Variants in MYO1D observed in about 807,000 individuals in gnomAD.
MYO1D encodes the protein myosin ID, also known as unconventional myosin-Id.
Under a neutral mutation model 122.0 loss-of-function variants are expected in MYO1D, and 83 were observed. The ratio of observed to expected loss-of-function variants is 0.68; its 90% confidence interval spans 0.57 to 0.82. The LOEUF (loss-of-function observed/expected upper bound fraction) is 0.82. Ranked by LOEUF, MYO1D falls within the 40% of genes least tolerant of loss-of-function variation. MYO1D has a pLI of 0.00. For synonymous variants in MYO1D, 464 were observed against 446.9 expected, an observed-to-expected ratio of 1.04 and a Z score of -0.48; for missense variants, 1,157 against 1,269.5, an observed-to-expected ratio of 0.91 and a Z score of 1.35.
chr17:32,782,373 C>T (rs1379786860), intron 1 of MYO1D, among the ~76,000 whole-genome samples: 1 of 152,182 alleles, frequency 6.6e-6, no homozygotes, highest in Admixed American at 6.5e-5. Flanking sequence ...GGTTTGAATG[C>T]TCACATTGCA....
At chr17:32,818,384 G>C (rs1327202945) in intron 1 of MYO1D, among the ~76,000 whole-genome samples, 1 of 152,130 alleles carries the variant, frequency 6.6e-6, no homozygotes, top group East Asian at 1.9e-4. Context: ...AGGAGGGTTG[G>C]CTAAGTATCC....
intron 1 of MYO1D, among the ~76,000 whole-genome samples, chr17:32,851,977 G>A (rs1460460674): frequency 6.6e-6 from 1 of 152,116 alleles, no homozygotes. Flanking sequence ...TTTCCTTCTA[G>A]AAATTCTCTC....
chr17:32,797,422 T>C (rs956746600), intron 1 of MYO1D, among the ~76,000 whole-genome samples: 1 of 152,258 alleles, frequency 6.6e-6, no homozygotes, highest in Non-Finnish European at 1.5e-5. Context: ...GGAGGCACAG[T>C]AGTCCCCCTT....
At chr17:32,790,229 T>C (rs1318704778) in intron 1 of MYO1D, among the ~76,000 whole-genome samples, 1 of 152,208 alleles carries the variant, frequency 6.6e-6, no homozygotes, top group Non-Finnish European at 1.5e-5. Context: ...AATCTTATCT[T>C]ACTCTGCATT....
chr17:32,755,640 A>G lies in MYO1D; in HGVS notation c.1319T>C (p.Ile440Thr). The change falls in exon 11 of 22, where the codon ATC becomes ACC. Residue 440 changes from isoleucine to threonine, a missense_variant. By Grantham distance (89) the Ile-to-Thr change is moderately conservative. Coordinates refer to ENST00000318217, the MANE Select transcript of MYO1D (RefSeq NM_015194.3). Reference protein sequence around the residue: ...WKHIDYFNNQIIVDLVEQQHK... With the variant: ...WKHIDYFNNQTIVDLVEQQHK... ...CTGTTGCTCCACGAGGTCAACAATG[A>G]TCTGATTGTTGAAGTAGTCAATCTG... is the stretch of plus-strand genomic sequence containing the variant. 1.2e-6 allele frequency: 2 copies of G among 1,613,588 alleles called. No individual in the cohort carries two copies. The highest frequency in any genetic ancestry group is 1.7e-6 in the Non-Finnish European group (2 of 1,179,672).
intron 21 of MYO1D, chr17:32,504,965 T>G (rs1354256873): frequency 6.6e-6 from 1 of 152,550 alleles, no homozygotes; most frequent in Non-Finnish European, 1.5e-5. Context: ...TGAGTTCTAC[T>G]GATTGCACTT....
At chr17:32,720,207 AATTATC>A (rs1244285932) in intron 15 of MYO1D, among the ~76,000 whole-genome samples, 7 of 152,300 alleles carry the variant, frequency 4.6e-5, no homozygotes, top group Non-Finnish European at 8.8e-5. Flanking sequence ...CCAAGTTATC[AATTATC>A]ATTATCATTT....
At chr17:32,683,411 G>A (rs967948845) in intron 16 of MYO1D, among the ~76,000 whole-genome samples, 4 of 152,182 alleles carry the variant, frequency 2.6e-5, no homozygotes, top group African/African-American at 7.2e-5. Flanking sequence ...TGATGGTGAT[G>A]TACAGATGGG....
intron 2 of MYO1D, among the ~76,000 whole-genome samples, chr17:32,778,878 C>G (rs111592364): frequency 6.6e-6 from 1 of 152,048 alleles, no homozygotes; most frequent in African/African-American, 2.4e-5. Flanking sequence ...AGTTTTAGTA[C>G]TTGGTAGGGA....
At chr17:32,634,755 G>A (rs2088074295) in intron 20 of MYO1D, among the ~76,000 whole-genome samples, 1 of 152,200 alleles carries the variant, frequency 6.6e-6, no homozygotes, top group Non-Finnish European at 1.5e-5. Flanking sequence ...CTGGGATGCT[G>A]GCAATTGGAG....
chr17:32,636,921 T>C (rs2088108268), intron 20 of MYO1D, among the ~76,000 whole-genome samples: 2 of 152,242 alleles, frequency 1.3e-5, no homozygotes, highest in Non-Finnish European at 2.9e-5. Flanking sequence ...CGAGACGGTA[T>C]GGGCAGGGTG....
At chr17:32,776,122 A>T in intron 3 of MYO1D, 93 bp from the exon 4 acceptor site, 4 of 1,110,266 alleles carry the variant, frequency 3.6e-6, no homozygotes, top group Non-Finnish European at 5.2e-6. Flanking sequence ...ACAAATATTT[A>T]TACAAAGATG....
At chr17:32,686,239 T>A (rs2089004564) in intron 16 of MYO1D, 1 of 152,206 alleles carries the variant, frequency 6.6e-6, no homozygotes, top group Non-Finnish European at 1.5e-5. Flanking sequence ...ATCATATATA[T>A]CCTTGTAAAA....
In MYO1D at chr17:32,761,944, T is replaced by C. The variant is rs904351256; in HGVS notation, c.1036-1317A>G. 1.1e-4 allele frequency among the ~76,000 whole-genome samples: 16 copies of C among 152,226 alleles called. 1 individual carries two copies. The highest frequency in any genetic ancestry group is 3.6e-4 in the African/African-American group (15 of 41,522). ...TAGGCAAACACAAACATAGTCTCAA[T>C]GTCCAAGAAACTTAGGGAATAGAGT... On this transcript the variant is annotated intron_variant, in intron 8 of 21. Coordinates refer to ENST00000318217, the MANE Select transcript of MYO1D (RefSeq NM_015194.3).
At chr17:32,863,573 A>C (rs907695283) in intron 1 of MYO1D, among the ~76,000 whole-genome samples, 24 of 152,268 alleles carry the variant, frequency 1.6e-4, no homozygotes, top group African/African-American at 5.8e-4. Context: ...TTTAAAAGTT[A>C]ATTTAGATCA....
At chr17:32,531,050 G>T (rs180755821) in intron 21 of MYO1D, among the ~76,000 whole-genome samples, 1 of 152,292 alleles carries the variant, frequency 6.6e-6, no homozygotes, top group East Asian at 1.9e-4. Flanking sequence ...GTGCTGCCCA[G>T]CATAGGCCGA....
At chr17:32,678,628 T>C (rs2088861198) in intron 16 of MYO1D, among the ~76,000 whole-genome samples, 1 of 151,422 alleles carries the variant, frequency 6.6e-6, no homozygotes, top group Non-Finnish European at 1.5e-5. Context: ...ATGGTGTATA[T>C]ATGCCACATT....
At chr17:32,705,488 C>T (rs1007570327) in intron 16 of MYO1D, among the ~76,000 whole-genome samples, 2 of 152,168 alleles carry the variant, frequency 1.3e-5, no homozygotes, top group Non-Finnish European at 2.9e-5. Flanking sequence ...TGGTCTAGAA[C>T]TCCTGACCTC....
At chr17:32,683,500 T>C (rs1264719503) in intron 16 of MYO1D, among the ~76,000 whole-genome samples, 1 of 152,144 alleles carries the variant, frequency 6.6e-6, no homozygotes, top group Non-Finnish European at 1.5e-5. Flanking sequence ...TCTGTTGGAA[T>C]ACCCTGCCGT....
Sources: gnomAD v4.1 joint callset for allele counts (sites outside exome capture counted in the v4.1 genomes callset) on GRCh38, gnomAD v4.1.1 for gene constraint, MANE v1.5 for transcripts, NCBI Gene and HGNC (gene_info 2026-07-23, HGNC 2026-07-21) for gene names.